Variants in IL1RAP observed in about 807,000 individuals in gnomAD.
IL1RAP encodes interleukin-1 receptor accessory protein.
In IL1RAP, 35 loss-of-function variants were observed where a neutral mutation model predicts 60.7. The ratio of observed to expected loss-of-function variants is 0.58; its 90% CI spans 0.44 to 0.76. The LOEUF is 0.76. Ranked by LOEUF, IL1RAP falls within the 30% of genes least tolerant of loss-of-function variation. IL1RAP has a pLI of 0.00. For synonymous variants in IL1RAP, 268 were observed against 250.9 expected (o/e 1.07, Z -0.64); for missense variants, 572 against 693.9 (o/e 0.82, Z 1.97).
intron 4 of IL1RAP, among the ~76,000 whole-genome samples, chr3:190,605,163 A>G (rs1730196491): frequency 6.6e-6 from 1 of 152,194 alleles, no homozygotes; most frequent in Non-Finnish European, 1.5e-5. Flanking sequence ...TCCCCTAAGA[A>G]GCAAGAGAAT....
At chr3:190,627,279 G>A in intron 7 of IL1RAP, 44 bp from the exon 8 acceptor site, 4 of 1,439,408 alleles carry the variant, frequency 2.8e-6, no homozygotes, top group Non-Finnish European at 2.8e-6. Context: ...GTTTTGTTTT[G>A]TTTTGTTTTT....
At chr3:190,555,460 A>AT (rs766177225) in intron 1 of IL1RAP, among the ~76,000 whole-genome samples, 49 of 152,274 alleles carry the variant, frequency 3.2e-4, no homozygotes, top group Non-Finnish European at 6.3e-4. Flanking sequence ...CAGAAAGAGC[A>AT]TTTTTTTCCT....
chr3:190,558,755 G>A (rs1246738256), intron 2 of IL1RAP, among the ~76,000 whole-genome samples: 2 of 152,032 alleles, frequency 1.3e-5, no homozygotes, highest in African/African-American at 4.8e-5. Flanking sequence ...ATCTTTCTGG[G>A]ATTTTGATTG....
At chr3:190,548,818 A>G (rs1290822508) in intron 1 of IL1RAP, among the ~76,000 whole-genome samples, 1 of 152,210 alleles carries the variant, frequency 6.6e-6, no homozygotes, top group Non-Finnish European at 1.5e-5. Flanking sequence ...ATTTCCTTTC[A>G]GTGATAGACA....
chr3:190,515,963 T>C (rs1198734777), intron 1 of IL1RAP, among the ~76,000 whole-genome samples: 1 of 152,168 alleles, frequency 6.6e-6, no homozygotes, highest in Non-Finnish European at 1.5e-5. Context: ...CCTGTATTAT[T>C]GGTATTTTAA....
chr3:190,552,377 CAG>C (rs1231471146), intron 1 of IL1RAP, among the ~76,000 whole-genome samples: 1 of 152,132 alleles, frequency 6.6e-6, no homozygotes, highest in Non-Finnish European at 1.5e-5. Context: ...TATGTTCACA[CAG>C]GGAATTTTTG....
chr3:190,631,561 G>A (rs577697772), intron 9 of IL1RAP, among the ~76,000 whole-genome samples: 2 of 152,324 alleles, frequency 1.3e-5, no homozygotes, highest in South Asian at 4.1e-4. Context: ...AGCTAATGCT[G>A]AAATTCAGAG....
At chr3:190,576,851 C>T (rs1326681147) in intron 3 of IL1RAP, among the ~76,000 whole-genome samples, 1 of 152,128 alleles carries the variant, frequency 6.6e-6, no homozygotes, top group African/African-American at 2.4e-5. Flanking sequence ...CGGTGGCTCA[C>T]GCCTGTAATC....
intron 3 of IL1RAP, among the ~76,000 whole-genome samples, chr3:190,600,238 T>G (rs1489721911): frequency 1.3e-5 from 2 of 152,232 alleles, no homozygotes; most frequent in African/African-American, 4.8e-5. Flanking sequence ...CATATATTTC[T>G]TCTTAAACTG....
At position 190,595,675 on chromosome 3, in the gene IL1RAP, C is replaced by T. The variant is rs146467903; in HGVS notation, c.65-8453C>T. Among the ~76,000 whole-genome samples the T allele has an allele frequency of 3.5e-4, 54 of 152,276 alleles. 1 individual carries two copies. The highest frequency in any genetic ancestry group is 1.2e-3 in the African/African-American group (48 of 41,560). On this transcript the variant is annotated intron_variant, in intron 3 of 11. Coordinates refer to ENST00000447382, the MANE Select transcript of IL1RAP (RefSeq NM_002182.4). ...GGGACAGTTTCTAAGTGGCCTGATC[C>T]GCATTGGTTTCTAGTTTGGAATGTA...
At chr3:190,601,577 C>A (rs2108746375) in intron 3 of IL1RAP, among the ~76,000 whole-genome samples, 1 of 152,344 alleles carries the variant, frequency 6.6e-6, no homozygotes, top group South Asian at 2.1e-4. Flanking sequence ...TCAGATTCTT[C>A]ACTTTTATCA....
At chr3:190,624,983 T>G (rs1422024839) in intron 7 of IL1RAP, 1 of 169,530 alleles carries the variant, frequency 5.9e-6, no homozygotes, top group Non-Finnish European at 1.3e-5. Context: ...CTACCCACAC[T>G]GCAGCGGGGT....
At chr3:190,602,119 T>C (rs1338591970) in intron 3 of IL1RAP, among the ~76,000 whole-genome samples, 1 of 152,112 alleles carries the variant, frequency 6.6e-6, no homozygotes, top group African/African-American at 2.4e-5. Flanking sequence ...CTGTTTTTGC[T>C]GACTCTGTAT....
At chr3:190,545,736 G>C (rs1724310594) in intron 1 of IL1RAP, among the ~76,000 whole-genome samples, 1 of 152,104 alleles carries the variant, frequency 6.6e-6, no homozygotes, top group Non-Finnish European at 1.5e-5. Flanking sequence ...CTGTAAAATG[G>C]GATTGAAATT....
intron 11 of IL1RAP, among the ~76,000 whole-genome samples, chr3:190,647,210 AAC>A (rs1380296895): frequency 9.2e-5 from 14 of 152,150 alleles, no homozygotes; most frequent in African/African-American, 3.1e-4. Context: ...CACTGCTTGG[AAC>A]ACACAATCAT....
intron 5 of IL1RAP, among the ~76,000 whole-genome samples, chr3:190,617,112 C>T (rs1276333431): frequency 1.3e-5 from 2 of 152,118 alleles, no homozygotes; most frequent in African/African-American, 4.8e-5. Context: ...AGAACCAGCC[C>T]AAATCTTTCT....
chr3:190,624,421 A>G (rs1231714428), intron 7 of IL1RAP, among the ~76,000 whole-genome samples: 1 of 152,172 alleles, frequency 6.6e-6, no homozygotes, highest in African/African-American at 2.4e-5. Context: ...TCTTTGTACT[A>G]GTTTTTATAA....
intron 3 of IL1RAP, among the ~76,000 whole-genome samples, chr3:190,577,426 A>T (rs1727590927): frequency 6.6e-6 from 1 of 152,208 alleles, no homozygotes; most frequent in Admixed American, 6.5e-5. Flanking sequence ...TTTTTACCAC[A>T]TGAAAATTGG....
chr3:190,580,738 G>T (rs189396392), intron 3 of IL1RAP, among the ~76,000 whole-genome samples: 10 of 152,278 alleles, frequency 6.6e-5, no homozygotes, highest in Non-Finnish European at 1.0e-4. Context: ...AGTGCCTATG[G>T]TTAACAATTC....
Sources: allele counts gnomAD v4.1 joint callset (sites outside exome capture counted in the v4.1 genomes callset), GRCh38; gene constraint gnomAD v4.1.1; transcripts MANE v1.5; gene names NCBI Gene and HGNC (gene_info 2026-07-23, HGNC 2026-07-21).